The following HNRNPA2B1 variants were observed in gnomAD, a reference collection of about 807,000 sequenced individuals.
The protein encoded by HNRNPA2B1 is heterogeneous nuclear ribonucleoproteins A2/B1.
A neutral mutation model predicts 46.3 loss-of-function variants in HNRNPA2B1; 3 were observed. The ratio of observed to expected loss-of-function variants is 0.06; its 90% confidence interval spans 0.03 to 0.17. HNRNPA2B1 has a LOEUF of 0.17. Ranked by LOEUF, HNRNPA2B1 falls within the 10% of genes least tolerant of loss-of-function variation. The probability of loss-of-function intolerance (pLI) is 1.00; values close to 1 mark genes in which losing one functional copy is unlikely to be tolerated. For missense variants in HNRNPA2B1, 221 were observed against 418.9 expected, an observed-to-expected ratio of 0.53 and a Z score of 4.12; for synonymous variants, 225 against 133.8, an observed-to-expected ratio of 1.68 and a Z score of -4.70.
At chr7:26,199,045 C>A (rs949129673) in intron 1 of HNRNPA2B1, 1 of 152,176 alleles carries the variant, frequency 6.6e-6, no homozygotes, top group Non-Finnish European at 1.5e-5. Context: ...TTACTTGTCA[C>A]GATAGTTATT....
chr7:26,195,196 T>C (rs935429069), intron 7 of HNRNPA2B1, among the ~76,000 whole-genome samples: 3 of 151,702 alleles, frequency 2.0e-5, no homozygotes, highest in African/African-American at 7.3e-5. Flanking sequence ...CCTCTAAAAT[T>C]TTAATTATAA....
Position 26,200,634 on chromosome 7 carries a change from T to C in HNRNPA2B1, c.-57A>G. On this transcript the variant is annotated 5_prime_UTR_variant, in exon 1 of 11. Coordinates refer to ENST00000618183, the MANE Select transcript of HNRNPA2B1 (RefSeq NM_002137.4). ...GCAGCCGAGCGAGATGAGAGAGATCTCCGCGGACGAACACGAACCGGACTC... is the reference window on the plus strand; with the variant it reads ...GCAGCCGAGCGAGATGAGAGAGATCCCCGCGGACGAACACGAACCGGACTC... 1 of 1,612,108 alleles carries C rather than the reference T, an allele frequency of 6.2e-7. No homozygotes were observed. Among genetic ancestry groups the C allele is most frequent in the Non-Finnish European group, 8.5e-7 (1 of 1,179,220 alleles).
At position 26,197,303 on chromosome 7, in the gene HNRNPA2B1, T is replaced by C. The variant is rs2128123505; in HGVS notation, c.264+12A>G. On this transcript the variant is annotated intron_variant, in intron 3 of 10. Coordinates refer to ENST00000618183, the MANE Select transcript of HNRNPA2B1 (RefSeq NM_002137.4). ...TTCATGTTAATGCACAAGACAGTCA[T>C]TGTTTGCTTACCTCTCTTGCTACAG... The C allele has an allele frequency of 2.5e-6, 4 of 1,600,474 alleles. No homozygotes were observed. Among genetic ancestry groups the C allele is most frequent in the South Asian group, 1.1e-5 (1 of 89,450 alleles).
rs1011873350 is a variant in HNRNPA2B1 at position 26,193,577 on chromosome 7, C to T, written c.839G>A (p.Gly280Glu). The change falls in exon 8 of 11, where the codon GGA becomes GAA. Residue 280 changes from glycine to glutamate, a missense_variant and splice_region_variant. Around this residue, in one of 2 missense-constraint regions of HNRNPA2B1, gnomAD observed 143 missense variants for 200.5 expected, o/e 0.71. Coordinates refer to ENST00000618183, the MANE Select transcript of HNRNPA2B1 (RefSeq NM_002137.4). ...AAGGTTGCAGGTGAATTTATTACCT[C>T]CTCCATAGTTGTCATAACCACCTCC... Reference protein sequence around the residue: ...GYGGGYDNYGGGNYGSGNYND... With the variant: ...GYGGGYDNYGEGNYGSGNYND... 3.2e-6 allele frequency: 5 copies of T among 1,587,098 alleles called. No individual in the cohort carries two copies. The highest frequency in any genetic ancestry group is 4.3e-6 in the Non-Finnish European group (5 of 1,173,208).
Position 26,197,408 on chromosome 7 carries a change from A to G in HNRNPA2B1, c.171T>C (p.Phe57=), listed in dbSNP as rs768704393. 9 of 1,613,974 alleles carry G rather than the reference A, an allele frequency of 5.6e-6. No individual in the cohort carries two copies. The highest frequency in any genetic ancestry group is 6.8e-6 in the Non-Finnish European group (8 of 1,179,988). ...CAGCATCAACCTCAGCCATGGATGA[A>G]AAAGTTACAAAACCAAATCCTCTTG... ...KRSRGFGFVT[F]SSMAEVDAAM... Residue 57 remains phenylalanine, a synonymous_variant, in exon 3 of 11, where the codon TTT becomes TTC. Transcript: ENST00000618183.
At chr7:26,200,207 G>A in intron 1 of HNRNPA2B1, 4 of 308,532 alleles carry the variant, frequency 1.3e-5, no homozygotes, top group Non-Finnish European at 2.5e-5. Flanking sequence ...ACGAGGACCT[G>A]CTGCCCGCCG....
At position 26,197,411 on chromosome 7, in the gene HNRNPA2B1, A is replaced by G; in HGVS notation, c.168T>C (p.Thr56=). ...CATCAACCTCAGCCATGGATGAAAA[A>G]GTTACAAAACCAAATCCTCTTGATC... ...SKRSRGFGFV[T]FSSMAEVDAA... The change falls in exon 3 of 11, where the codon ACT becomes ACC. Residue 56 remains threonine, a synonymous_variant. Coordinates refer to ENST00000618183, the MANE Select transcript of HNRNPA2B1 (RefSeq NM_002137.4). 6.2e-7 allele frequency: 1 copy of G among 1,614,102 alleles called. No individual in the cohort carries two copies.
chr7:26,196,359 A>C (rs1783637416), intron 6 of HNRNPA2B1, 42 bp downstream of exon 6: 1 of 1,476,394 alleles, frequency 6.8e-7, no homozygotes, highest in East Asian at 2.3e-5. Context: ...ATTTAAAATA[A>C]AAGCACACTC....
chr7:26,199,266 A>G (rs1784061258), intron 1 of HNRNPA2B1: 1 of 152,646 alleles, frequency 6.6e-6, no homozygotes, highest in South Asian at 2.1e-4. Context: ...CTTAGGGTCA[A>G]AGAAAATAAC....
rs780556468 is a variant in HNRNPA2B1, at chr7:26,197,491, T to C, written c.118-30A>G. ...CAAACCAAAGGGTAAACTTTAGCAT[T>C]TAATCTCATTATAGCTTATAAGTGA... On this transcript the variant is annotated intron_variant, in intron 2 of 10. Coordinates refer to ENST00000618183, the MANE Select transcript of HNRNPA2B1 (RefSeq NM_002137.4). 4 of 1,608,254 alleles carry C rather than the reference T, an allele frequency of 2.5e-6. No individual in the cohort carries two copies. The Admixed American group carries it at 5.1e-5, about 20-fold the overall frequency.
chr7:26,197,488 C>T (rs756550451), intron 2 of HNRNPA2B1, 27 bp from the exon 3 acceptor site: 3 of 1,608,022 alleles, frequency 1.9e-6, no homozygotes, highest in African/African-American at 1.3e-5. Flanking sequence ...TAAACTTTAG[C>T]ATTTAATCTC....
In HNRNPA2B1 at chr7:26,197,223, C is replaced by T. The variant is rs959136898; in HGVS notation, c.264+92G>A. ...ACACACCTTTAATAAGAGAAAAAAT[C>T]TTGAGTTAAAACTAAATTCAGAAAT... On this transcript the variant is annotated intron_variant, in intron 3 of 10. Transcript: ENST00000618183. 5 of 1,431,206 alleles carry T rather than the reference C, an allele frequency of 3.5e-6. No homozygotes were observed. The Admixed American group carries it at 9.2e-5, about 26-fold the overall frequency. The allele number at this position is 1,431,206 out of a possible 1,614,324, so 88.7% of individuals were successfully genotyped here.
chr7:26,195,798 A>T (rs766853589), intron 7 of HNRNPA2B1, 49 bp downstream of exon 7: 11 of 1,584,164 alleles, frequency 6.9e-6, no homozygotes, highest in Middle Eastern at 3.4e-4. Context: ...TATACGATAT[A>T]GTTAAGTATT....
chr7:26,200,462 T>G, intron 1 of HNRNPA2B1, 110 bp downstream of exon 1: 1 of 1,068,446 alleles, frequency 9.4e-7, no homozygotes, highest in Non-Finnish European at 1.4e-6. Context: ...GCTACTGAAT[T>G]GGTCCGATTT....
chr7:26,193,976 A>G (rs1224119377), intron 7 of HNRNPA2B1, among the ~76,000 whole-genome samples: 2 of 152,236 alleles, frequency 1.3e-5, no homozygotes, highest in East Asian at 1.9e-4. Flanking sequence ...CTTCATGTAT[A>G]TTGTGGGTAA....
At chr7:26,195,429 A>T (rs1783451611) in intron 7 of HNRNPA2B1, among the ~76,000 whole-genome samples, 1 of 152,220 alleles carries the variant, frequency 6.6e-6, no homozygotes, top group South Asian at 2.1e-4. Flanking sequence ...ACATTTCCGT[A>T]GGTTACGCTT....
At position 26,191,393 on chromosome 7, in the gene HNRNPA2B1, TAAGA is replaced by T. The variant is rs1325365552; in HGVS notation, c.*963_*966del. The T allele has an allele frequency of 6.6e-6, 1 of 152,144 alleles. No individual in the cohort carries two copies. The highest frequency in any genetic ancestry group is 1.5e-5 in the Non-Finnish European group (1 of 68,000). The allele number at this position is 152,144 out of a possible 1,614,324, so 9.4% of individuals were successfully genotyped here. ...TAGTTTATCTTTTAGGGAGGAAAAT[TAAGA>T]AAGGAAAAGTAAATAAGATCTTACC... On this transcript the variant is annotated 3_prime_UTR_variant, in exon 11 of 11. Transcript: ENST00000618183.
chr7:26,194,001 G>C (rs368421233), intron 7 of HNRNPA2B1, among the ~76,000 whole-genome samples: 32 of 152,318 alleles, frequency 2.1e-4, no homozygotes, highest in African/African-American at 7.5e-4. Context: ...TGTGAGGCTA[G>C]ACTAGTAGTG....
rs1257246467 is a variant in HNRNPA2B1 at position 26,189,970 on chromosome 7, T to C, written c.*2390A>G. 1 of 152,248 alleles carries C rather than the reference T, an allele frequency of 6.6e-6. No homozygotes were observed. Among genetic ancestry groups the C allele is most frequent in the East Asian group, 1.9e-4 (1 of 5,202 alleles). 9.4% of individuals were successfully genotyped at this position (152,248 alleles called of 1,614,324 possible). ...GCATTTTATTGGGGACAGCCAATAA[T>C]GTCCACAATGCTCTTCTCATTTACC... On this transcript the variant is annotated 3_prime_UTR_variant, in exon 11 of 11. Transcript: ENST00000618183.
Sources: gnomAD v4.1 joint callset for allele counts (sites outside exome capture counted in the v4.1 genomes callset) on GRCh38, gnomAD v4.1.1 for gene constraint, gnomAD v4.1.1 regional missense constraint, MANE v1.5 for transcripts, NCBI Gene and HGNC (gene_info 2026-07-23, HGNC 2026-07-21) for gene names.